The following FAT3 variants were observed in gnomAD, a reference collection of about 807,000 sequenced individuals.
FAT3 encodes FAT atypical cadherin 3.
FAT3 carries 95 observed loss-of-function variants against 310.2 expected under a neutral mutation model. The observed-to-expected ratio is 0.31, with a 90% CI of 0.26 to 0.36. FAT3 has a LOEUF of 0.36. Ranked by LOEUF, FAT3 falls within the 10% of genes least tolerant of loss-of-function variation. The pLI is 1.00. For missense variants in FAT3, 5,408 were observed against 5,715.6 expected (o/e 0.95, Z 1.74); for synonymous variants, 2,314 against 2,192.9 (o/e 1.06, Z -1.54).
intron 4 of FAT3, among the ~76,000 whole-genome samples, chr11:92,715,419 A>T (rs771886090): frequency 1.4e-4 from 21 of 151,820 alleles, no homozygotes; most frequent in East Asian, 3.9e-4. Context: ...AAAAAATAAA[A>T]AAATAAATAA....
intron 3 of FAT3, among the ~76,000 whole-genome samples, chr11:92,569,248 G>A (rs1591465618): frequency 6.6e-6 from 1 of 152,116 alleles, no homozygotes; most frequent in South Asian, 2.1e-4. Flanking sequence ...TTCCTTCTCA[G>A]TAAAATGAAG....
chr11:92,618,499 A>G (rs1024283753), intron 3 of FAT3, among the ~76,000 whole-genome samples: 8 of 152,288 alleles, frequency 5.3e-5, no homozygotes, highest in African/African-American at 1.7e-4. Flanking sequence ...GACAAGCCCC[A>G]GTGAGATGAA....
intron 3 of FAT3, among the ~76,000 whole-genome samples, chr11:92,652,266 C>G (rs538260063): frequency 6.6e-6 from 1 of 152,192 alleles, no homozygotes; most frequent in Non-Finnish European, 1.5e-5. Context: ...CCTGGCCACA[C>G]AAATCCATCT....
chr11:92,454,532 G>T (rs1210364527), intron 2 of FAT3, among the ~76,000 whole-genome samples: 3 of 152,098 alleles, frequency 2.0e-5, no homozygotes, highest in Non-Finnish European at 4.4e-5. Context: ...GCCCCCATGA[G>T]AAGTGAACAC....
intron 6 of FAT3, among the ~76,000 whole-genome samples, chr11:92,771,179 C>A (rs745323181): frequency 6.6e-6 from 1 of 152,140 alleles, no homozygotes; most frequent in Non-Finnish European, 1.5e-5. Flanking sequence ...TTGAGCCTAA[C>A]GCTGCTGCAC....
intron 2 of FAT3, among the ~76,000 whole-genome samples, chr11:92,407,103 T>C (rs1008535344): frequency 1.4e-4 from 21 of 152,214 alleles, no homozygotes. Context: ...TTGTACTATC[T>C]CTGCTTAGGC....
At chr11:92,339,491 G>A (rs1948184006) in intron 1 of FAT3, among the ~76,000 whole-genome samples, 1 of 152,152 alleles carries the variant, frequency 6.6e-6, no homozygotes, top group South Asian at 2.1e-4. Flanking sequence ...TCTTCGTTCG[G>A]TTTATAGTCA....
At chr11:92,649,040 T>C (rs1942272585) in intron 3 of FAT3, among the ~76,000 whole-genome samples, 1 of 152,160 alleles carries the variant, frequency 6.6e-6, no homozygotes, top group Non-Finnish European at 1.5e-5. Context: ...AGCTTCAAAA[T>C]GCACCTGCCC....
intron 1 of FAT3, among the ~76,000 whole-genome samples, chr11:92,311,915 A>G (rs1947314474): frequency 6.6e-6 from 1 of 152,146 alleles, no homozygotes; most frequent in South Asian, 2.1e-4. Context: ...TGTGGCTCCT[A>G]CATACCCATG....
intron 3 of FAT3, among the ~76,000 whole-genome samples, chr11:92,602,569 C>T (rs904145885): frequency 2.0e-5 from 3 of 152,192 alleles, no homozygotes; most frequent in African/African-American, 7.2e-5. Flanking sequence ...TGTTCTATCT[C>T]CCTGCAGCTT....
Position 92,892,062 on chromosome 11 carries a change from T to C in FAT3, c.*949T>C, listed in dbSNP as rs1251155748. 1 of 152,208 alleles carries C rather than the reference T, an allele frequency of 6.6e-6. No individual in the cohort carries two copies. Among genetic ancestry groups the C allele is most frequent in the East Asian group, 1.9e-4 (1 of 5,194 alleles). The allele number at this position is 152,208 out of a possible 1,614,324, so 9.4% of individuals were successfully genotyped here. On this transcript the variant is annotated 3_prime_UTR_variant, in exon 28 of 28. Coordinates refer to ENST00000525166, the MANE Select transcript of FAT3 (RefSeq NM_001367949.2). ...AGTTTGCGGCCTAGATAATCACAAT[T>C]CTTCATAATGCAGAGGAAAGGTGTC...
intron 19 of FAT3, among the ~76,000 whole-genome samples, chr11:92,845,148 G>C (rs1948655045): frequency 6.6e-6 from 1 of 152,228 alleles, no homozygotes; most frequent in Admixed American, 6.5e-5. Context: ...ACTGGGGATG[G>C]AAAGAGCTTT....
At chr11:92,585,751 A>G (rs141178057) in intron 3 of FAT3, among the ~76,000 whole-genome samples, 32 of 152,002 alleles carry the variant, frequency 2.1e-4, no homozygotes, top group African/African-American at 7.5e-4. Context: ...GCTCTTAGCC[A>G]TTATTCTCTG....
intron 13 of FAT3, among the ~76,000 whole-genome samples, chr11:92,816,918 G>A (rs533709737): frequency 5.9e-5 from 9 of 152,142 alleles, no homozygotes; most frequent in Non-Finnish European, 1.2e-4. Flanking sequence ...GGAGGTTGCA[G>A]TGAGCCGAGA....
chr11:92,555,981 T>G (rs1344510668), intron 3 of FAT3, among the ~76,000 whole-genome samples: 1 of 152,212 alleles, frequency 6.6e-6, no homozygotes, highest in South Asian at 2.1e-4. Flanking sequence ...GGTTTAAAAA[T>G]AGGACTGATA....
intron 23 of FAT3, among the ~76,000 whole-genome samples, chr11:92,881,480 G>C (rs1481645269): frequency 6.6e-6 from 1 of 152,138 alleles, no homozygotes. Context: ...ATTCATTAGA[G>C]CAAATCTCCC....
chr11:92,882,601 C>A, intron 23 of FAT3, 137 bp from the exon 24 acceptor site: 4 of 447,240 alleles, frequency 8.9e-6, no homozygotes, highest in South Asian at 3.9e-5. Context: ...CCCCCACCAA[C>A]CATCTTTGTC....
chr11:92,676,564 G>A (rs1466112784), intron 3 of FAT3, among the ~76,000 whole-genome samples: 3 of 152,178 alleles, frequency 2.0e-5, no homozygotes, highest in East Asian at 3.9e-4. Flanking sequence ...CCTGGTGCCC[G>A]GCCTGAAACC....
At chr11:92,750,595 T>C (rs1945803469) in intron 4 of FAT3, among the ~76,000 whole-genome samples, 1 of 151,986 alleles carries the variant, frequency 6.6e-6, no homozygotes, top group Admixed American at 6.6e-5. Flanking sequence ...GACTTTCTTA[T>C]TGTTACAGTT....
Sources: gnomAD v4.1 joint callset for allele counts (sites outside exome capture counted in the v4.1 genomes callset) on GRCh38, gnomAD v4.1.1 for gene constraint, MANE v1.5 for transcripts, NCBI Gene and HGNC (gene_info 2026-07-23, HGNC 2026-07-21) for gene names.